GAS2L2: variants seen among roughly 807,000 people sequenced by gnomAD.
The protein encoded by GAS2L2 is growth arrest specific 2 like 2, also known as GAS2-like protein 2.
Under a neutral mutation model 35.2 loss-of-function variants are expected in GAS2L2, and 21 were observed. That is an observed-to-expected ratio of 0.60 (90% CI 0.42 to 0.86). The LOEUF is 0.86. Among genes scored for constraint, GAS2L2 ranks in the 40% least tolerant of loss-of-function variants. GAS2L2 has a pLI of 0.00. For synonymous variants in GAS2L2, 490 were observed against 473.2 expected, an observed-to-expected ratio of 1.04 and a Z score of -0.46; for missense variants, 1,169 against 1,144.4, an observed-to-expected ratio of 1.02 and a Z score of -0.31.
chr17:35,750,432 G>A, intron 1 of GAS2L2, 114 bp from the exon 2 acceptor site: 3 of 1,408,882 alleles, frequency 2.1e-6, no homozygotes, highest in Non-Finnish European at 2.9e-6. Flanking sequence ...CCGGTCTGGG[G>A]CAGCAGACAT....
Position 35,747,834 on chromosome 17 carries a change from C to A in GAS2L2, c.832+15G>T. ...TCAACCAACCCCACAGGGAGAGGGC[C>A]CTCAGGGGACTCACAGAGGGATGTG... On this transcript the variant is annotated intron_variant, in intron 4 of 5. Coordinates refer to ENST00000604641, the MANE Select transcript of GAS2L2 (RefSeq NM_139285.4). 1 of 1,610,614 alleles carries A rather than the reference C, an allele frequency of 6.2e-7. No homozygotes were observed. Among genetic ancestry groups the A allele is most frequent in the South Asian group, 1.1e-5 (1 of 90,992 alleles).
rs199999064 is a variant in GAS2L2 at position 35,752,458 on chromosome 17, G to A, written c.385+8C>T. 245 of 1,568,008 alleles carry A rather than the reference G, an allele frequency of 1.6e-4. No homozygotes were observed. In the South Asian group the frequency reaches 1.6e-3, roughly 10 times the overall value. ...TCTGGAATGGGGACGAGGGTGCAGC[G>A]TGGTTACCTTGGATGCCCATCTCCT... On this transcript the variant is annotated splice_region_variant and intron_variant, in intron 1 of 5. Transcript: ENST00000604641.
In GAS2L2 at chr17:35,749,138, C is replaced by T. The variant is rs782319274; in HGVS notation, c.707G>A (p.Gly236Asp). Residue 236 changes from glycine (G) to aspartate (D), a missense_variant, in exon 3 of 6, where the codon GGT becomes GAT. Physicochemically the swap from Gly to Asp is moderately conservative, Grantham distance 94 (BLOSUM62 -1). Around this residue, in one of 3 missense-constraint regions of GAS2L2, gnomAD observed 1,035 missense variants for 976.5 expected, o/e 1.06. Coordinates refer to ENST00000604641, the MANE Select transcript of GAS2L2 (RefSeq NM_139285.4). ...GATGAAGATGAGGGTGTTGGAGTCA[C>T]CCACACGGTACTTCCCCTCAGACAC... ...VKVSEGKYRVGDSNTLIFIRI... is the reference protein window; with the variant it reads ...VKVSEGKYRVDDSNTLIFIRI... 1 of 1,613,756 alleles carries T rather than the reference C, an allele frequency of 6.2e-7. No homozygotes were observed. Among genetic ancestry groups the T allele is most frequent in the Non-Finnish European group, 8.5e-7 (1 of 1,179,682 alleles).
rs782288149 is a variant in GAS2L2, at chr17:35,745,063, TG to T, written c.2433del (p.Lys812ArgfsTer5). On this transcript the variant is annotated frameshift_variant, in exon 6 of 6. Transcript: ENST00000604641. LOFTEE classifies it low-confidence loss of function (END_TRUNC). ...YVFLGPARQP[P>X]KDRLLRAVLG... is the part of the protein sequence containing the mutation. The stretch of plus-strand genomic sequence containing the variant: ...AGCACAGCTCTCAACAGCCTGTCCT[TG>T]GGGGGCTGCCTGGCTGGACCCAGGA... 2.5e-6 allele frequency: 4 copies of T among 1,613,622 alleles called. No individual in the cohort carries two copies. Among genetic ancestry groups the T allele is most frequent in the East Asian group, 2.2e-5 (1 of 44,884 alleles).
Position 35,752,834 on chromosome 17 carries a change from C to T in GAS2L2, c.17G>A (p.Gly6Glu), listed in dbSNP as rs2085712637. 1 of 1,598,444 alleles carries T rather than the reference C, an allele frequency of 6.3e-7. No homozygotes were observed. The highest frequency in any genetic ancestry group is 8.6e-7 in the Non-Finnish European group (1 of 1,169,004). The change falls in exon 1 of 6, where the codon GGA (glycine) becomes GAA (glutamate). Residue 6 changes from glycine (G) to glutamate (E), a missense_variant. Around this residue, in one of 3 missense-constraint regions of GAS2L2, gnomAD observed 127 missense variants for 146.1 expected, o/e 0.87. Coordinates refer to ENST00000604641, the MANE Select transcript of GAS2L2 (RefSeq NM_139285.4). ...TAGGGTCCTGGGCTTCCTCCTGCCT[C>T]CCGCAGGCTGGGACATGGCTGGACC... MSQPA[G>E]GRRKPRTLGP...
At chr17:35,750,646 C>T (rs781837054) in intron 1 of GAS2L2, among the ~76,000 whole-genome samples, 16 of 152,130 alleles carry the variant, frequency 1.1e-4, no homozygotes, top group Admixed American at 4.6e-4. Context: ...ACTCCACCTT[C>T]CCCTCTCCCC....
Position 35,752,689 on chromosome 17 carries a change from G to A in GAS2L2, c.162C>T (p.Asn54=), listed in dbSNP as rs781878604. The change falls in exon 1 of 6, where the codon AAC becomes AAT. Residue 54 remains asparagine, a synonymous_variant. Transcript: ENST00000604641. ...DLYGLDIDAA[N]FLQVLETGLV... ...GGCCCGTTTCCAGCACCTGCAGGAA[G>A]TTGGCTGCGTCGATGTCCAGCCCAT... is the stretch of plus-strand genomic sequence containing the variant. 1.9e-6 allele frequency: 3 copies of A among 1,614,102 alleles called. No homozygotes were observed. The highest frequency in any genetic ancestry group is 2.5e-6 in the Non-Finnish European group (3 of 1,180,038).
Position 35,744,599 on chromosome 17 carries a change from G to A in GAS2L2, c.*255C>T, listed in dbSNP as rs587752153. The stretch of plus-strand genomic sequence containing the variant: ...AGGGGCCAGAGGCCAGGAGTGTGGT[G>A]AGCCGTTCTAGGGGAGAGTAATGAG... On this transcript the variant is annotated 3_prime_UTR_variant, in exon 6 of 6. Coordinates refer to ENST00000604641, the MANE Select transcript of GAS2L2 (RefSeq NM_139285.4). The A allele has an allele frequency of 6.1e-5, 28 of 458,320 alleles. No individual in the cohort carries two copies. The highest frequency in any genetic ancestry group is 9.5e-5 in the African/African-American group (5 of 52,542). The allele number at this position is 458,320 out of a possible 1,614,324, so 28.4% of individuals were successfully genotyped here.
rs782031153 is a variant in GAS2L2 at position 35,752,793 on chromosome 17, T to C, written c.58A>G (p.Ser20Gly). The C allele has an allele frequency of 1.9e-6, 3 of 1,613,468 alleles. No homozygotes were observed. Among genetic ancestry groups the C allele is most frequent in the South Asian group, 2.2e-5 (2 of 91,090 alleles). Reference protein sequence around the residue: ...KPRTLGPPVCSIRPFKSSEQY... With the variant: ...KPRTLGPPVCGIRPFKSSEQY... ...TCACTCGACTTGAAAGGCCGGATAC[T>C]GCACACAGGCGGCCCTAGGGTCCTG... The change falls in exon 1 of 6, where the codon AGT becomes GGT. Residue 20 changes from serine (S) to glycine (G), a missense_variant. This residue lies in a region of GAS2L2 where 127 missense variants were observed against 146.1 expected (regional missense o/e 0.87). Coordinates refer to ENST00000604641, the MANE Select transcript of GAS2L2 (RefSeq NM_139285.4).
Position 35,752,993 on chromosome 17 carries a change from C to T in GAS2L2, c.-143G>A. The stretch of plus-strand genomic sequence containing the variant: ...CGCTGAGAGCCCGGGACCTCCAGTG[C>T]TGCTACTTGCCACTGGCTTCAGCTG... On this transcript the variant is annotated 5_prime_UTR_variant, in exon 1 of 6. Coordinates refer to ENST00000604641, the MANE Select transcript of GAS2L2 (RefSeq NM_139285.4). 1 of 858,492 alleles carries T rather than the reference C, an allele frequency of 1.2e-6. No individual in the cohort carries two copies. Among genetic ancestry groups the T allele is most frequent in the East Asian group, 2.7e-5 (1 of 37,330 alleles). The allele number at this position is 858,492 out of a possible 1,614,324, so 53.2% of individuals were successfully genotyped here.
rs2085660836 is a variant in GAS2L2 at position 35,745,621 on chromosome 17, T to C, written c.1876A>G (p.Arg626Gly). Residue 626 changes from arginine (R) to glycine (G), a missense_variant, in exon 6 of 6, where the codon AGG (arginine) becomes GGG (glycine). By Grantham distance (125) the Arg-to-Gly change is moderately radical. Coordinates refer to ENST00000604641, the MANE Select transcript of GAS2L2 (RefSeq NM_139285.4). ...CCACTGCGAGGGATGACCCCAGACC[T>C]TGTGCCCTGCGGACAGGCACTCCTG... ...EVRSACPQGTRSGVIPRSGVY... is the reference protein window; with the variant it reads ...EVRSACPQGTGSGVIPRSGVY... 1 of 1,613,898 alleles carries C rather than the reference T, an allele frequency of 6.2e-7. No homozygotes were observed. Among genetic ancestry groups the C allele is most frequent in the Non-Finnish European group, 8.5e-7 (1 of 1,180,012 alleles).
chr17:35,744,727 C>G lies in GAS2L2; in HGVS notation c.*127G>C. ...AGCAGATGGAGTCTATATTTGTCTT[C>G]TGACCCACTCCTGCCCAAGGCCCTG... On this transcript the variant is annotated 3_prime_UTR_variant, in exon 6 of 6. Coordinates refer to ENST00000604641, the MANE Select transcript of GAS2L2 (RefSeq NM_139285.4). 1 of 727,516 alleles carries G rather than the reference C, an allele frequency of 1.4e-6. No homozygotes were observed. Among genetic ancestry groups the G allele is most frequent in the South Asian group, 1.9e-5 (1 of 53,870 alleles). 45.1% of individuals were successfully genotyped at this position (727,516 alleles called of 1,614,324 possible).
chr17:35,752,391 C>T, intron 1 of GAS2L2, 75 bp downstream of exon 1: 10 of 1,433,562 alleles, frequency 7.0e-6, no homozygotes, highest in Non-Finnish European at 9.4e-6. Flanking sequence ...CCAGAGCTAG[C>T]CTGTGCATTT....
rs2085709356 is a variant in GAS2L2, at chr17:35,752,459, T to C, written c.385+7A>G. The C allele has an allele frequency of 6.4e-7, 1 of 1,568,766 alleles. No individual in the cohort carries two copies. The highest frequency in any genetic ancestry group is 1.3e-5 in the African/African-American group (1 of 74,296). ...CTGGAATGGGGACGAGGGTGCAGCG[T>C]GGTTACCTTGGATGCCCATCTCCTT... On this transcript the variant is annotated splice_region_variant and intron_variant, in intron 1 of 5. Coordinates refer to ENST00000604641, the MANE Select transcript of GAS2L2 (RefSeq NM_139285.4).
intron 2 of GAS2L2, 126 bp from the exon 3 acceptor site, chr17:35,749,343 G>A: frequency 1.6e-6 from 1 of 624,744 alleles, no homozygotes; most frequent in East Asian, 2.7e-5. Context: ...GAGAAGCAAG[G>A]AGGGAGTAGA....
At chr17:35,747,354 A>G in intron 4 of GAS2L2, 86 bp from the exon 5 acceptor site, 2 of 1,416,704 alleles carry the variant, frequency 1.4e-6, no homozygotes, top group East Asian at 4.7e-5. Context: ...CAGTGGTCCC[A>G]TGCCCCGCAT....
rs782280146 is a variant in GAS2L2, at chr17:35,745,933, C to A, written c.1564G>T (p.Ala522Ser). The A allele has an allele frequency of 2.5e-6, 4 of 1,611,008 alleles. No individual in the cohort carries two copies. Among genetic ancestry groups the A allele is most frequent in the South Asian group, 1.1e-5 (1 of 91,038 alleles). The change falls in exon 6 of 6, where the codon GCT (alanine) becomes TCT (serine). Residue 522 changes from alanine (A) to serine (S), a missense_variant. Physicochemically the swap from Ala to Ser is moderately conservative, Grantham distance 99. Around this residue, in one of 3 missense-constraint regions of GAS2L2, gnomAD observed 1,035 missense variants for 976.5 expected, o/e 1.06. Transcript: ENST00000604641. ...TCTGTCCTGGGACTTCCACTTGTAG[C>A]ACCAGGAAAGCTCCTTCCTGGTGTT... ...PPTPGRSFPG[A>S]TSGSPRTELG...
Position 35,749,149 on chromosome 17 carries a change from C to A in GAS2L2, c.696G>T (p.Lys232Asn), listed in dbSNP as rs782421974. 5 of 1,613,946 alleles carry A rather than the reference C, an allele frequency of 3.1e-6. No individual in the cohort carries two copies. The African/African-American group carries it at 5.3e-5, about 17-fold the overall frequency. The stretch of plus-strand genomic sequence containing the variant: ...GGGTGTTGGAGTCACCCACACGGTA[C>A]TTCCCCTCAGACACTTTGACCATGG... The part of the protein sequence containing the change: ...QFSMVKVSEG[K>N]YRVGDSNTLI... The change falls in exon 3 of 6, where the codon AAG becomes AAT. Residue 232 changes from lysine (K) to asparagine (N), a missense_variant. Transcript: ENST00000604641.
chr17:35,745,238 T>C lies in GAS2L2; in HGVS notation c.2259A>G (p.Ala753=). The change falls in exon 6 of 6, where the codon GCA becomes GCG. Residue 753 remains alanine, a synonymous_variant. Coordinates refer to ENST00000604641, the MANE Select transcript of GAS2L2 (RefSeq NM_139285.4). ...PLDPNSDKAK[A]CLSKGRRTLR... The stretch of plus-strand genomic sequence containing the variant: ...GAGTTCTCCTGCCCTTGCTCAGACA[T>C]GCCTTGGCTTTGTCAGAGTTGGGGT... 6.2e-7 allele frequency: 1 copy of C among 1,606,420 alleles called. No individual in the cohort carries two copies. Among genetic ancestry groups the C allele is most frequent in the African/African-American group, 1.3e-5 (1 of 74,902 alleles).
Sources: allele counts gnomAD v4.1 joint callset (sites outside exome capture counted in the v4.1 genomes callset), GRCh38; gene constraint gnomAD v4.1.1; regional missense constraint gnomAD v4.1.1; transcripts MANE v1.5; gene names NCBI Gene and HGNC (gene_info 2026-07-23, HGNC 2026-07-21).